SGCZ: variants seen among roughly 807,000 people sequenced by gnomAD.
SGCZ encodes the protein sarcoglycan zeta, also known as zeta-sarcoglycan.
A neutral mutation model predicts 41.3 loss-of-function variants in SGCZ; 40 were observed. The observed-to-expected ratio is 0.97, with a 90% CI of 0.75 to 1.26. SGCZ has a LOEUF of 1.26. SGCZ is among the 50% of genes most tolerant of loss of function. The pLI is 0.00. For synonymous variants in SGCZ, 206 were observed against 137.5 expected (o/e 1.50, Z -3.49); for missense variants, 552 against 369.8 (o/e 1.49, Z -4.04).
At chr8:15,056,868 G>T (rs1240970822) in intron 1 of SGCZ, among the ~76,000 whole-genome samples, 1 of 152,184 alleles carries the variant, frequency 6.6e-6, no homozygotes, top group Non-Finnish European at 1.5e-5. Flanking sequence ...CATGGGCCCA[G>T]TTCACCTCTC....
At chr8:14,096,739 T>A (rs989010896) in intron 7 of SGCZ, among the ~76,000 whole-genome samples, 1 of 152,130 alleles carries the variant, frequency 6.6e-6, no homozygotes, top group Non-Finnish European at 1.5e-5. Context: ...GGTCCAGAAC[T>A]TTTTTTGGTT....
At chr8:15,100,437 A>T (rs759412076) in intron 1 of SGCZ, among the ~76,000 whole-genome samples, 1 of 152,218 alleles carries the variant, frequency 6.6e-6, no homozygotes, top group African/African-American at 2.4e-5. Context: ...CAAAATACTG[A>T]TGAAAGAAAT....
chr8:14,378,849 AC>A (rs1480504056), intron 2 of SGCZ, among the ~76,000 whole-genome samples: 1 of 152,164 alleles, frequency 6.6e-6, no homozygotes, highest in Admixed American at 6.5e-5. Context: ...TGAGTGTCAG[AC>A]GTGTGAGGAA....
intron 4 of SGCZ, among the ~76,000 whole-genome samples, chr8:14,191,519 T>TA (rs1357512885): frequency 1.3e-5 from 2 of 152,188 alleles, no homozygotes; most frequent in African/African-American, 4.8e-5. Flanking sequence ...TACGGTGTGA[T>TA]ATAAGGCTCT....
At chr8:14,600,152 T>G (rs940069456) in intron 1 of SGCZ, among the ~76,000 whole-genome samples, 1 of 152,130 alleles carries the variant, frequency 6.6e-6, no homozygotes, top group Admixed American at 6.5e-5. Context: ...GTTTCTTTAC[T>G]TGGACTTCTG....
chr8:14,882,900 T>G (rs1056546128), intron 1 of SGCZ, among the ~76,000 whole-genome samples: 1 of 152,108 alleles, frequency 6.6e-6, no homozygotes, highest in Non-Finnish European at 1.5e-5. Flanking sequence ...CACCCAGAAT[T>G]TAACAAAATA....
At chr8:14,095,059 C>T (rs895308755) in intron 7 of SGCZ, among the ~76,000 whole-genome samples, 3 of 151,882 alleles carry the variant, frequency 2.0e-5, no homozygotes, top group Non-Finnish European at 4.4e-5. Context: ...CAGAAATTTT[C>T]TCTCATTCTG....
At chr8:14,488,406 C>G (rs1355307512) in intron 2 of SGCZ, among the ~76,000 whole-genome samples, 1 of 152,116 alleles carries the variant, frequency 6.6e-6, no homozygotes, top group Non-Finnish European at 1.5e-5. Flanking sequence ...TCCCCTCCAG[C>G]TAGACAAAAG....
intron 1 of SGCZ, among the ~76,000 whole-genome samples, chr8:14,744,861 T>C (rs1799299164): frequency 6.6e-6 from 1 of 152,166 alleles, no homozygotes; most frequent in African/African-American, 2.4e-5. Context: ...GACTATCGTC[T>C]TCTCTTCTCC....
At chr8:14,449,484 A>G (rs766302038) in intron 2 of SGCZ, among the ~76,000 whole-genome samples, 1 of 152,112 alleles carries the variant, frequency 6.6e-6, no homozygotes, top group Non-Finnish European at 1.5e-5. Context: ...GCTACCATAC[A>G]CTTAATGACA....
intron 3 of SGCZ, among the ~76,000 whole-genome samples, chr8:14,312,954 T>C (rs73207799): frequency 0.27 from 40,703 of 152,020 alleles, 6,232 homozygotes; most frequent in South Asian, 0.48. Context: ...ACCTTCTTAC[T>C]AAGAAGACTG....
At chr8:14,444,275 C>G (rs568997904) in intron 2 of SGCZ, among the ~76,000 whole-genome samples, 101 of 152,228 alleles carry the variant, frequency 6.6e-4, no homozygotes, top group African/African-American at 2.3e-3. Flanking sequence ...GGATCTAGAA[C>G]TAGAAATACC....
chr8:15,036,313 TA>T (rs962879734), intron 1 of SGCZ, among the ~76,000 whole-genome samples: 1 of 151,882 alleles, frequency 6.6e-6, no homozygotes, highest in African/African-American at 2.4e-5. Flanking sequence ...AATAGACCAA[TA>T]AAGAGTAAGG....
At chr8:15,237,259 C>CCG (rs1554483273) in intron 1 of SGCZ, among the ~76,000 whole-genome samples, 1 of 151,980 alleles carries the variant, frequency 6.6e-6, no homozygotes, top group Non-Finnish European at 1.5e-5. Flanking sequence ...GCTGCCCCCC[C>CCG]CGGGGAGACG....
At chr8:14,326,250 T>C (rs547957273) in intron 2 of SGCZ, among the ~76,000 whole-genome samples, 1 of 151,616 alleles carries the variant, frequency 6.6e-6, no homozygotes, top group African/African-American at 2.4e-5. Context: ...TGGGAAAATA[T>C]CTTTTATGTG....
At chr8:14,247,352 C>T (rs753288592) in intron 3 of SGCZ, among the ~76,000 whole-genome samples, 10 of 152,128 alleles carry the variant, frequency 6.6e-5, no homozygotes, top group Non-Finnish European at 1.3e-4. Flanking sequence ...ACCGATAATA[C>T]GGATGGTATT....
At chr8:15,143,013 T>A (rs1157806137) in intron 1 of SGCZ, among the ~76,000 whole-genome samples, 1 of 152,222 alleles carries the variant, frequency 6.6e-6, no homozygotes, top group Non-Finnish European at 1.5e-5. Flanking sequence ...GGACGTACTG[T>A]CCTAGAGTAT....
intron 1 of SGCZ, among the ~76,000 whole-genome samples, chr8:15,208,204 CAGGG>C (rs1371520965): frequency 6.6e-6 from 1 of 152,208 alleles, no homozygotes; most frequent in Admixed American, 6.5e-5. Context: ...CAGTAATCCT[CAGGG>C]TTTGCTGGAA....
rs188707829 is a variant in SGCZ at position 14,394,276 on chromosome 8, G to A, written c.235-70072C>T. Among the ~76,000 whole-genome samples the A allele has an allele frequency of 5.4e-3, 813 of 151,148 alleles. 3 individuals are homozygous for A. Among genetic ancestry groups the A allele is most frequent in the Non-Finnish European group, 7.4e-3 (500 of 67,920 alleles). The stretch of plus-strand genomic sequence containing the variant: ...AGTGATTCTCCTGCCTCAGCCTCCT[G>A]AGTAGCTGGGACTACAGGCATGCGC... On this transcript the variant is annotated intron_variant, in intron 2 of 7. Coordinates refer to ENST00000382080, the MANE Select transcript of SGCZ (RefSeq NM_139167.4).
Sources: allele counts gnomAD v4.1 joint callset (sites outside exome capture counted in the v4.1 genomes callset), GRCh38; gene constraint gnomAD v4.1.1; transcripts MANE v1.5; gene names NCBI Gene and HGNC (gene_info 2026-07-23, HGNC 2026-07-21).